MAGI1: variants seen among roughly 807,000 people sequenced by gnomAD.
The protein encoded by MAGI1 is membrane associated guanylate kinase, WW and PDZ domain containing 1.
MAGI1 carries 58 observed loss-of-function variants against 139.9 expected under a neutral mutation model. That is an observed-to-expected ratio of 0.41 (90% CI 0.34 to 0.52). The LOEUF (loss-of-function observed/expected upper bound fraction) is 0.52. Among genes scored for constraint, MAGI1 ranks in the 20% least tolerant of loss-of-function variants. The pLI is 0.12. For synonymous variants in MAGI1, 812 were observed against 737.9 expected, an observed-to-expected ratio of 1.10 and a Z score of -1.63; for missense variants, 1,874 against 1,901.6, an observed-to-expected ratio of 0.99 and a Z score of 0.27.
intron 1 of MAGI1, among the ~76,000 whole-genome samples, chr3:65,636,099 C>T (rs991103731): frequency 1.3e-5 from 2 of 152,122 alleles, no homozygotes; most frequent in South Asian, 2.1e-4. Context: ...CACAAGTAAT[C>T]GCCATGGTCC....
chr3:66,011,613 C>T (rs1274293421), intron 1 of MAGI1, among the ~76,000 whole-genome samples: 1 of 152,080 alleles, frequency 6.6e-6, no homozygotes, highest in Non-Finnish European at 1.5e-5. Context: ...GGTATACAAG[C>T]CTTGCCCTAT....
chr3:65,423,575 T>A (rs556191258), intron 12 of MAGI1, among the ~76,000 whole-genome samples: 1 of 152,238 alleles, frequency 6.6e-6, no homozygotes, highest in Non-Finnish European at 1.5e-5. Context: ...GCATAAGATA[T>A]AGTCTTCAAT....
chr3:65,855,193 T>G (rs958969302), intron 1 of MAGI1, among the ~76,000 whole-genome samples: 1 of 151,412 alleles, frequency 6.6e-6, no homozygotes, highest in East Asian at 2.0e-4. Flanking sequence ...GATGCCATTA[T>G]AAGCAGGAAG....
At chr3:65,992,816 C>A (rs959714749) in intron 1 of MAGI1, among the ~76,000 whole-genome samples, 1 of 151,988 alleles carries the variant, frequency 6.6e-6, no homozygotes, top group African/African-American at 2.4e-5. Flanking sequence ...GGCATCATTT[C>A]GGCTTTATTT....
intron 1 of MAGI1, among the ~76,000 whole-genome samples, chr3:65,984,689 C>T (rs1374756637): frequency 6.8e-6 from 1 of 147,022 alleles, no homozygotes; most frequent in African/African-American, 2.5e-5. Context: ...GCATGCACCA[C>T]CATGCCTTGC....
intron 1 of MAGI1, among the ~76,000 whole-genome samples, chr3:65,929,378 G>T (rs2062682911): frequency 6.7e-6 from 1 of 149,808 alleles, no homozygotes; most frequent in South Asian, 2.1e-4. Context: ...GTCTCGCTCT[G>T]TCACCATGCT....
chr3:65,882,337 G>A (rs75277183), intron 1 of MAGI1, among the ~76,000 whole-genome samples: 4,239 of 152,258 alleles, frequency 0.028, 157 homozygotes, highest in East Asian at 0.11. Flanking sequence ...CCTTAGGAAG[G>A]TAGGAAATCA....
At chr3:65,838,657 T>C (rs1054708529) in intron 1 of MAGI1, among the ~76,000 whole-genome samples, 6 of 152,362 alleles carry the variant, frequency 3.9e-5, no homozygotes, top group African/African-American at 1.4e-4. Flanking sequence ...ACTTTAGTTG[T>C]TGAACATTAT....
intron 1 of MAGI1, among the ~76,000 whole-genome samples, chr3:65,971,072 G>T (rs969143654): frequency 6.6e-6 from 1 of 152,024 alleles, no homozygotes; most frequent in Non-Finnish European, 1.5e-5. Context: ...GCATGGTGGC[G>T]GGCGCCTGTA....
At position 65,636,414 on chromosome 3, in the gene MAGI1, C is replaced by A. The variant is rs115683276; in HGVS notation, c.314-14326G>T. ...TGCACACTCCACTATTTTCATTCCA[C>A]CTCACTGTAGTCTTCCAGCTGCTAT... On this transcript the variant is annotated intron_variant, in intron 1 of 22. Transcript: ENST00000402939. Among the ~76,000 whole-genome samples, 1,506 of 152,250 alleles carry A rather than the reference C, an allele frequency of 9.9e-3. 25 individuals carry two copies. Among genetic ancestry groups the A allele is most frequent in the African/African-American group, 0.034 (1,399 of 41,554 alleles).
intron 1 of MAGI1, among the ~76,000 whole-genome samples, chr3:65,737,663 G>C (rs1020167932): frequency 3.3e-5 from 5 of 152,112 alleles, no homozygotes; most frequent in African/African-American, 1.2e-4. Flanking sequence ...AGAAAATAAA[G>C]ATTTTACATG....
At chr3:65,827,196 T>C (rs541905639) in intron 1 of MAGI1, among the ~76,000 whole-genome samples, 23 of 152,304 alleles carry the variant, frequency 1.5e-4, no homozygotes, top group African/African-American at 5.3e-4. Context: ...CTTTTTTTTC[T>C]TTCCTATATT....
chr3:65,502,713 T>C (rs2077128826), intron 2 of MAGI1, among the ~76,000 whole-genome samples: 1 of 152,238 alleles, frequency 6.6e-6, no homozygotes, highest in African/African-American at 2.4e-5. Context: ...ATCTGACCTT[T>C]GGTTAATTAA....
At chr3:65,947,937 T>C (rs200707480) in intron 1 of MAGI1, among the ~76,000 whole-genome samples, 2 of 137,378 alleles carry the variant, frequency 1.5e-5, no homozygotes, top group Non-Finnish European at 3.2e-5. Context: ...AATATCTTTC[T>C]CTTTTTTTTT....
At chr3:65,792,617 T>C (rs1016959832) in intron 1 of MAGI1, among the ~76,000 whole-genome samples, 1 of 152,012 alleles carries the variant, frequency 6.6e-6, no homozygotes, top group East Asian at 1.9e-4. Context: ...ACATAAGCAC[T>C]AGGATACTGT....
intron 2 of MAGI1, among the ~76,000 whole-genome samples, chr3:65,611,332 TATAC>T (rs1358326552): frequency 7.0e-6 from 1 of 143,142 alleles, no homozygotes; most frequent in African/African-American, 2.5e-5. Flanking sequence ...CACTATATAC[TATAC>T]ATATACTATA....
chr3:65,566,018 G>A (rs2080612834), intron 2 of MAGI1, among the ~76,000 whole-genome samples: 1 of 152,004 alleles, frequency 6.6e-6, no homozygotes, highest in Non-Finnish European at 1.5e-5. Context: ...CACTTTGGGA[G>A]GCTGAGGCGG....
chr3:65,851,063 C>T (rs929259981), intron 1 of MAGI1, among the ~76,000 whole-genome samples: 1 of 151,794 alleles, frequency 6.6e-6, no homozygotes, highest in African/African-American at 2.4e-5. Flanking sequence ...GCCGAGATCA[C>T]GCCACTGCAC....
chr3:65,545,272 T>C (rs1331123341), intron 2 of MAGI1, among the ~76,000 whole-genome samples: 4 of 152,156 alleles, frequency 2.6e-5, no homozygotes, highest in African/African-American at 9.7e-5. Context: ...AGTGGCATAA[T>C]GTCAGCCACT....
Sources: gnomAD v4.1 joint callset for allele counts (sites outside exome capture counted in the v4.1 genomes callset) on GRCh38, gnomAD v4.1.1 for gene constraint, MANE v1.5 for transcripts, NCBI Gene and HGNC (gene_info 2026-07-23, HGNC 2026-07-21) for gene names.